C5AR2: variants seen among roughly 807,000 people sequenced by gnomAD.
C5AR2 encodes C5a anaphylatoxin chemotactic receptor 2.
For synonymous variants in C5AR2, 224 were observed against 216.5 expected, an observed-to-expected ratio of 1.03 and a Z score of -0.30; for missense variants, 458 against 467.5, an observed-to-expected ratio of 0.98 and a Z score of 0.19.
In C5AR2 at chr19:47,345,827, A is replaced by G. The variant is rs1458485529; in HGVS notation, c.*4014A>G. ...TCTGGAGATGGGGCTCGGCTCGAAT[A>G]TTGGACCAAATTGAGGACCAGCTAA... On this transcript the variant is annotated 3_prime_UTR_variant, in exon 2 of 2. Transcript: ENST00000595464. 6.6e-6 allele frequency: 1 copy of G among 152,118 alleles called. No homozygotes were observed. The highest frequency in any genetic ancestry group is 1.9e-4 in the East Asian group (1 of 5,202). 9.4% of individuals were successfully genotyped at this position (152,118 alleles called of 1,614,324 possible).
rs554595129 is a variant in C5AR2 at position 47,347,202 on chromosome 19, A to G, written c.*5389A>G. 1 of 152,166 alleles carries G rather than the reference A, an allele frequency of 6.6e-6. No individual in the cohort carries two copies. Among genetic ancestry groups the G allele is most frequent in the Non-Finnish European group, 1.5e-5 (1 of 68,034 alleles). 9.4% of individuals were successfully genotyped at this position (152,166 alleles called of 1,614,324 possible). On this transcript the variant is annotated 3_prime_UTR_variant, in exon 2 of 2. Coordinates refer to ENST00000595464, the MANE Select transcript of C5AR2 (RefSeq NM_001271749.2). ...AACCAAGTTATTAATAATTTCTCTA[A>G]GAACTAGTCTCAAGCTTGCTATACA...
At chr19:47,337,071 T>A (rs2059361101) in intron 1 of C5AR2, 1 of 154,310 alleles carries the variant, frequency 6.5e-6, no homozygotes, top group South Asian at 2.1e-4. Context: ...GGGTGGGGAC[T>A]CCTGCCTGGG....
Position 47,345,026 on chromosome 19 carries a change from G to A in C5AR2, c.*3213G>A, listed in dbSNP as rs1479639375. Reference sequence around the variant, plus strand: ...GACCTCAGGTGATCCACCCACCTTGGCCTCCCAAAGTGCTGGGAATACAGG... The same window carrying A: ...GACCTCAGGTGATCCACCCACCTTGACCTCCCAAAGTGCTGGGAATACAGG... On this transcript the variant is annotated 3_prime_UTR_variant, in exon 2 of 2. Coordinates refer to ENST00000595464, the MANE Select transcript of C5AR2 (RefSeq NM_001271749.2). 1 of 152,160 alleles carries A rather than the reference G, an allele frequency of 6.6e-6. No individual in the cohort carries two copies. Among genetic ancestry groups the A allele is most frequent in the Non-Finnish European group, 1.5e-5 (1 of 68,076 alleles). 9.4% of individuals were successfully genotyped at this position (152,160 alleles called of 1,614,324 possible). A position where few individuals can be genotyped will look rare whatever the true frequency, so the allele number is the denominator to read the frequency against.
At chr19:47,339,613 G>A (rs2059374410) in intron 1 of C5AR2, among the ~76,000 whole-genome samples, 1 of 152,008 alleles carries the variant, frequency 6.6e-6, no homozygotes, top group Non-Finnish European at 1.5e-5. Flanking sequence ...CACTGTGCCC[G>A]GCCCCTGATG....
Position 47,342,803 on chromosome 19 carries a change from C to A in C5AR2, c.*990C>A, listed in dbSNP as rs1348993893. 4 of 152,170 alleles carry A rather than the reference C, an allele frequency of 2.6e-5. No homozygotes were observed. Among genetic ancestry groups the A allele is most frequent in the Non-Finnish European group, 5.9e-5 (4 of 68,172 alleles). The allele number at this position is 152,170 out of a possible 1,614,324, so 9.4% of individuals were successfully genotyped here. ...AGCAGGAGGTGATAGCGATTTGGAT[C>A]AGGGTAACAGAGCTGAGGTGGTGAG... On this transcript the variant is annotated 3_prime_UTR_variant, in exon 2 of 2. Transcript: ENST00000595464.
At chr19:47,336,248 C>A (rs955448672) in intron 1 of C5AR2, among the ~76,000 whole-genome samples, 8 of 151,940 alleles carry the variant, frequency 5.3e-5, no homozygotes, top group African/African-American at 1.5e-4. Context: ...CACAACCATG[C>A]CTGGCTGATT....
rs1447562414 is a variant in C5AR2, at chr19:47,346,529, C to T, written c.*4716C>T. On this transcript the variant is annotated 3_prime_UTR_variant, in exon 2 of 2. Coordinates refer to ENST00000595464, the MANE Select transcript of C5AR2 (RefSeq NM_001271749.2). ...GACCATCCTGGCTAACATAGTGAAA[C>T]CCTGTCTCTACTAAAAATACAAAAA... The T allele has an allele frequency of 6.6e-6, 1 of 151,934 alleles. No homozygotes were observed. Among genetic ancestry groups the T allele is most frequent in the African/African-American group, 2.4e-5 (1 of 41,360 alleles). 9.4% of individuals were successfully genotyped at this position (151,934 alleles called of 1,614,324 possible). A position where few individuals can be genotyped will look rare whatever the true frequency, so the allele number is the denominator to read the frequency against.
At position 47,342,014 on chromosome 19, in the gene C5AR2, C is replaced by G; in HGVS notation, c.*201C>G. 5.1e-6 allele frequency: 3 copies of G among 585,112 alleles called. No individual in the cohort carries two copies. Among genetic ancestry groups the G allele is most frequent in the East Asian group, 2.9e-5 (1 of 34,568 alleles). 36.2% of individuals were successfully genotyped at this position (585,112 alleles called of 1,614,324 possible). ...TGACCAAAACAGACACAAATCCTGC[C>G]CTCAGGGAGCTGATATTCTTCTAGT... On this transcript the variant is annotated 3_prime_UTR_variant, in exon 2 of 2. Transcript: ENST00000595464.
At position 47,333,734 on chromosome 19, in the gene C5AR2, G is replaced by A. The variant is rs543949547; in HGVS notation, c.-16+1385G>A. On this transcript the variant is annotated intron_variant, in intron 1 of 1. Transcript: ENST00000595464. ...GCTGGGACTACAGGCGCCCGCCACC[G>A]CGCCCAGCTAATTTTTTGTATTTTT... Among the ~76,000 whole-genome samples the A allele has an allele frequency of 4.0e-5, 6 of 151,622 alleles. No individual in the cohort carries two copies. The East Asian group carries it at 5.9e-4, about 15-fold the overall frequency.
intron 1 of C5AR2, among the ~76,000 whole-genome samples, chr19:47,333,070 T>C (rs1269898198): frequency 6.6e-6 from 1 of 152,084 alleles, no homozygotes; most frequent in Non-Finnish European, 1.5e-5. Context: ...AGTGGTGCGA[T>C]CTTGGCTCAC....
In C5AR2 at chr19:47,340,878, G is replaced by T. The variant is rs780442034; in HGVS notation, c.79G>T (p.Ala27Ser). Residue 27 changes from alanine to serine, a missense_variant, in exon 2 of 2, where the codon GCC becomes TCC. Ala to Ser is a moderately conservative substitution (Grantham distance 99). Coordinates refer to ENST00000595464, the MANE Select transcript of C5AR2 (RefSeq NM_001271749.2). The stretch of plus-strand genomic sequence containing the variant: ...CCGCCCTGTGGACTGCCTGGATGGC[G>T]CCTGCCTGGCCATCGACCCGCTGCG... Reference protein sequence around the residue: ...SDRPVDCLDGACLAIDPLRVA... With the variant: ...SDRPVDCLDGSCLAIDPLRVA... 1.2e-6 allele frequency: 2 copies of T among 1,613,364 alleles called. No individual in the cohort carries two copies. The highest frequency in any genetic ancestry group is 1.1e-5 in the South Asian group (1 of 91,086).
Position 47,341,070 on chromosome 19 carries a change from G to C in C5AR2, c.271G>C (p.Ala91Pro), listed in dbSNP as rs778736178. The change falls in exon 2 of 2, where the codon GCA (alanine) becomes CCA (proline). Residue 91 changes from alanine to proline, a missense_variant. Transcript: ENST00000595464. This position sits in a 1 kb window ranked among gnomAD's most constrained non-coding sequence, Gnocchi z 4.6. Reference sequence around the variant, plus strand: ...GTGCTGTTTGTCTCTGCCCATCCTGGCAGTGCCCATTGCCCGTGGAGGCCA... The same window carrying C: ...GTGCTGTTTGTCTCTGCCCATCCTGCCAGTGCCCATTGCCCGTGGAGGCCA... ...LLCCLSLPIL[A>P]VPIARGGHWP... The C allele has an allele frequency of 3.7e-6, 6 of 1,605,736 alleles. No homozygotes were observed. The African/African-American group carries it at 8.0e-5, about 21-fold the overall frequency.
In C5AR2 at chr19:47,345,358, CTTTT is replaced by C. The variant is rs34783812; in HGVS notation, c.*3565_*3568del. The C allele has an allele frequency of 5.1e-4, 57 of 111,092 alleles. No homozygotes were observed. The highest frequency in any genetic ancestry group is 2.6e-3 in the South Asian group (9 of 3,418). 6.9% of individuals were successfully genotyped at this position (111,092 alleles called of 1,614,324 possible). A position where few individuals can be genotyped will look rare whatever the true frequency, so the allele number is the denominator to read the frequency against. Reference sequence around the variant, plus strand: ...GCTCAGTCAGAAAGCACTGGTATCACTTTTTTTTTTTTTTTTTTTTTTTGAGACG... The same window carrying C: ...GCTCAGTCAGAAAGCACTGGTATCACTTTTTTTTTTTTTTTTTTTGAGACG... On this transcript the variant is annotated 3_prime_UTR_variant, in exon 2 of 2. Coordinates refer to ENST00000595464, the MANE Select transcript of C5AR2 (RefSeq NM_001271749.2).
In C5AR2 at chr19:47,334,901, T is replaced by C. The variant is rs75428012; in HGVS notation, c.-16+2552T>C. 6.7e-4 allele frequency among the ~76,000 whole-genome samples: 102 copies of C among 151,516 alleles called. 1 individual carries two copies. The highest frequency in any genetic ancestry group is 2.4e-3 in the African/African-American group (99 of 41,264). On this transcript the variant is annotated intron_variant, in intron 1 of 1. Coordinates refer to ENST00000595464, the MANE Select transcript of C5AR2 (RefSeq NM_001271749.2). ...TAAGCCAAATCCAATTTTTTTTTTT[T>C]TGAGATGGAGTCTCACTCTGTCACC...
chr19:47,346,560 C>G lies in C5AR2; in HGVS notation c.*4747C>G, dbSNP rs1218243529. The G allele has an allele frequency of 6.6e-6, 1 of 151,968 alleles. No homozygotes were observed. The highest frequency in any genetic ancestry group is 1.5e-5 in the Non-Finnish European group (1 of 68,034). The allele number at this position is 151,968 out of a possible 1,614,324, so 9.4% of individuals were successfully genotyped here. On this transcript the variant is annotated 3_prime_UTR_variant, in exon 2 of 2. Coordinates refer to ENST00000595464, the MANE Select transcript of C5AR2 (RefSeq NM_001271749.2). ...CTCTACTAAAAATACAAAAAATTAGCCAGGCGTGTTGGCGGGAGCCTGTAG... is the reference window on the plus strand; with the variant it reads ...CTCTACTAAAAATACAAAAAATTAGGCAGGCGTGTTGGCGGGAGCCTGTAG...
intron 1 of C5AR2, among the ~76,000 whole-genome samples, chr19:47,338,656 A>AAATAATAATAATAATAATAATAAT (rs34869990): frequency 2.3e-5 from 3 of 131,690 alleles, no homozygotes. Flanking sequence ...ATGACCTCCA[A>AAATAATAATAATAATAATAATAAT]AATAATAATA....
rs1969066501 is a variant in C5AR2 at position 47,342,882 on chromosome 19, AGCTCG to A, written c.*1072_*1076del. The A allele has an allele frequency of 6.6e-6, 1 of 152,276 alleles. No homozygotes were observed. The highest frequency in any genetic ancestry group is 2.4e-5 in the African/African-American group (1 of 41,452). The allele number at this position is 152,276 out of a possible 1,614,324, so 9.4% of individuals were successfully genotyped here. ...AGGAAAGGCCAAGTCCAGGCTCCTT[AGCTCG>A]GCATTCAAGGCTTCTCTCCACCACT... On this transcript the variant is annotated 3_prime_UTR_variant, in exon 2 of 2. Coordinates refer to ENST00000595464, the MANE Select transcript of C5AR2 (RefSeq NM_001271749.2).
intron 1 of C5AR2, among the ~76,000 whole-genome samples, chr19:47,335,663 T>A (rs1419731106): frequency 6.7e-6 from 1 of 149,406 alleles, no homozygotes; most frequent in Non-Finnish European, 1.5e-5. Context: ...TCCCAGCTAC[T>A]CGGGAGACTG....
rs1379493749 is a variant in C5AR2 at position 47,340,924 on chromosome 19, A to G, written c.125A>G (p.Tyr42Cys). ...CTGCGCGTGGCCCCGCTCCCACTGT[A>G]TGCCGCCATCTTCCTGGTGGGGGTG... ...DPLRVAPLPL[Y>C]AAIFLVGVPG... The change falls in exon 2 of 2, where the codon TAT (tyrosine) becomes TGT (cysteine). Residue 42 changes from tyrosine (Y) to cysteine (C), a missense_variant. Coordinates refer to ENST00000595464, the MANE Select transcript of C5AR2 (RefSeq NM_001271749.2). 1.9e-6 allele frequency: 3 copies of G among 1,612,556 alleles called. No individual in the cohort carries two copies. Among genetic ancestry groups the G allele is most frequent in the Middle Eastern group, 1.6e-4 (1 of 6,062 alleles).
Sources: gnomAD v4.1 joint callset for allele counts (sites outside exome capture counted in the v4.1 genomes callset) on GRCh38, gnomAD v4.1.1 for gene constraint, Gnocchi (gnomAD v3.1) non-coding constraint, MANE v1.5 for transcripts, NCBI Gene and HGNC (gene_info 2026-07-23, HGNC 2026-07-21) for gene names.